Variants in BTBD9 observed in about 807,000 individuals in gnomAD.
BTBD9 encodes the protein BTB/POZ domain-containing protein 9.
A neutral mutation model predicts 64.3 loss-of-function variants in BTBD9; 49 were observed. The ratio of observed to expected loss-of-function variants is 0.76; its 90% confidence interval spans 0.61 to 0.97. The LOEUF (loss-of-function observed/expected upper bound fraction) is 0.97. Among genes scored for constraint, BTBD9 ranks in the 50% least tolerant of loss-of-function variants. The pLI is 0.00. For synonymous variants in BTBD9, 260 were observed against 274.7 expected (o/e 0.95, Z 0.53); for missense variants, 598 against 762.1 (o/e 0.78, Z 2.53).
chr6:38,360,761 AT>A, intron 6 of BTBD9, among the ~76,000 whole-genome samples: 1 of 152,314 alleles, frequency 6.6e-6, no homozygotes, highest in South Asian at 2.1e-4. Flanking sequence ...CTCAACTGGG[AT>A]GGAGAAGTAA....
At position 38,371,163 on chromosome 6, in the gene BTBD9, GC is replaced by G. The variant is rs1471512569; in HGVS notation, c.1155-26071del. 5.3e-5 allele frequency among the ~76,000 whole-genome samples: 8 copies of G among 152,182 alleles called. No individual in the cohort carries two copies. In the South Asian group the frequency reaches 8.3e-4, roughly 16 times the overall value. On this transcript the variant is annotated intron_variant, in intron 6 of 10. Coordinates refer to ENST00000481247, the MANE Select transcript of BTBD9 (RefSeq NM_001099272.2). ...GAGTCTGGGATGTGAGTACTTGGCA[GC>G]CCCCCATTGCTTTAATGGGTCTCAG...
intron 7 of BTBD9, among the ~76,000 whole-genome samples, chr6:38,303,852 TA>T (rs1762504166): frequency 8.8e-6 from 1 of 113,368 alleles, no homozygotes; most frequent in Non-Finnish European, 1.8e-5. Flanking sequence ...TATATATATA[TA>T]TATATATATA....
chr6:38,295,488 A>C (rs1302007176), intron 7 of BTBD9, among the ~76,000 whole-genome samples: 1 of 152,094 alleles, frequency 6.6e-6, no homozygotes. Flanking sequence ...CTTGTTTATA[A>C]GTTCTTTCCT....
intron 7 of BTBD9, among the ~76,000 whole-genome samples, chr6:38,308,704 G>A (rs73422820): frequency 0.029 from 4,481 of 152,170 alleles, 211 homozygotes; most frequent in African/African-American, 0.1. Context: ...CTCACAGGAT[G>A]AGGTGATCCT....
In BTBD9 at chr6:38,205,895, AG is replaced by A. The variant is rs201677275; in HGVS notation, c.1563-13299del. ...AGTCTGTCTCAAAAAAAAAAAAGAA[AG>A]AAAGAAAGAAAGGAAGTTATGGGAT... is the stretch of plus-strand genomic sequence containing the variant. On this transcript the variant is annotated intron_variant, in intron 9 of 10. Coordinates refer to ENST00000481247, the MANE Select transcript of BTBD9 (RefSeq NM_001099272.2). Among the ~76,000 whole-genome samples, 499 of 145,472 alleles carry A rather than the reference AG, an allele frequency of 3.4e-3. 73 individuals carry two copies. Among genetic ancestry groups the A allele is most frequent in the Non-Finnish European group, 4.6e-3 (302 of 66,220 alleles).
chr6:38,193,271 T>G (rs1034079802), intron 9 of BTBD9, among the ~76,000 whole-genome samples: 1 of 152,082 alleles, frequency 6.6e-6, no homozygotes, highest in Non-Finnish European at 1.5e-5. Flanking sequence ...AGGGCAGGCA[T>G]GCAGGAGGGC....
intron 6 of BTBD9, among the ~76,000 whole-genome samples, chr6:38,510,118 T>C (rs578219176): frequency 2.0e-4 from 30 of 152,358 alleles, no homozygotes; most frequent in African/African-American, 7.2e-4. Context: ...AGTTTTCACA[T>C]ACTGTCATGC....
intron 6 of BTBD9, among the ~76,000 whole-genome samples, chr6:38,357,298 G>C (rs1349784238): frequency 2.6e-5 from 4 of 152,276 alleles, no homozygotes; most frequent in African/African-American, 7.2e-5. Flanking sequence ...AGTAGCTTAG[G>C]ATTCAGTGTT....
At chr6:38,581,300 T>TA (rs1776275643) in intron 4 of BTBD9, among the ~76,000 whole-genome samples, 1 of 152,180 alleles carries the variant, frequency 6.6e-6, no homozygotes, top group Admixed American at 6.5e-5. Flanking sequence ...AGAAATCTGT[T>TA]AAAACAACAG....
chr6:38,190,988 T>C (rs1188175907), intron 10 of BTBD9, among the ~76,000 whole-genome samples: 5 of 152,246 alleles, frequency 3.3e-5, no homozygotes, highest in Non-Finnish European at 7.3e-5. Flanking sequence ...ATGCAGTGTA[T>C]AAAAAGCAAG....
Position 38,414,109 on chromosome 6 carries a change from C to T in BTBD9, c.1155-69016G>A, listed in dbSNP as rs558083866. Reference sequence around the variant, plus strand: ...AGAAGTTTAGGTGTTACATTTATTACCTTATCTTTATGTTTGTGGACTATC... The same window carrying T: ...AGAAGTTTAGGTGTTACATTTATTATCTTATCTTTATGTTTGTGGACTATC... On this transcript the variant is annotated intron_variant, in intron 6 of 10. Transcript: ENST00000481247. Among the ~76,000 whole-genome samples the T allele has an allele frequency of 4.6e-5, 7 of 152,270 alleles. No individual in the cohort carries two copies. In the East Asian group the frequency reaches 1.3e-3, roughly 29 times the overall value.
At chr6:38,491,040 T>C (rs1771679237) in intron 6 of BTBD9, among the ~76,000 whole-genome samples, 1 of 152,156 alleles carries the variant, frequency 6.6e-6, no homozygotes, top group African/African-American at 2.4e-5. Flanking sequence ...GGTACAAGTT[T>C]TGATGTAAAA....
At chr6:38,223,878 T>C (rs1204566915) in intron 9 of BTBD9, among the ~76,000 whole-genome samples, 1 of 152,170 alleles carries the variant, frequency 6.6e-6, no homozygotes, top group Non-Finnish European at 1.5e-5. Flanking sequence ...TAGGTTTACT[T>C]CTTTCTATAG....
intron 6 of BTBD9, among the ~76,000 whole-genome samples, chr6:38,453,549 A>C (rs115038767): frequency 1.6e-4 from 24 of 152,286 alleles, no homozygotes; most frequent in African/African-American, 5.5e-4. Flanking sequence ...GAGTGGTTTT[A>C]AGTATTTGGT....
intron 10 of BTBD9, among the ~76,000 whole-genome samples, chr6:38,176,415 G>A (rs896362638): frequency 7.2e-5 from 11 of 152,160 alleles, no homozygotes; most frequent in African/African-American, 2.7e-4. Flanking sequence ...TCTTCCTGGT[G>A]TGTCCACTCT....
chr6:38,369,660 G>A (rs1201831768), intron 6 of BTBD9, among the ~76,000 whole-genome samples: 1 of 152,234 alleles, frequency 6.6e-6, no homozygotes, highest in Non-Finnish European at 1.5e-5. Context: ...AGGTAAGGAG[G>A]GGAAGAGAGA....
chr6:38,328,602 T>TGTGTGTGTGTGTGC (rs1763536249), intron 7 of BTBD9, among the ~76,000 whole-genome samples: 1 of 149,010 alleles, frequency 6.7e-6, no homozygotes, highest in African/African-American at 2.5e-5. Context: ...TGTGTGTGTG[T>TGTGTGTGTGTGTGC]GTGTGTGTGT....
At chr6:38,193,771 C>T in intron 9 of BTBD9, 11 of 979,636 alleles carry the variant, frequency 1.1e-5, no homozygotes, top group Non-Finnish European at 1.1e-5. Flanking sequence ...TGTCTAATTA[C>T]CAAGTAATGT....
Position 38,295,482 on chromosome 6 carries a change from T to A in BTBD9, c.1265-7021A>T, listed in dbSNP as rs1241246476. Reference sequence around the variant, plus strand: ...CGCCTGGCAAACTTTTCCTTTCTTGTTTATAAGTTCTTTCCTACACCAAAT... The same window carrying A: ...CGCCTGGCAAACTTTTCCTTTCTTGATTATAAGTTCTTTCCTACACCAAAT... On this transcript the variant is annotated intron_variant, in intron 7 of 10. Transcript: ENST00000481247. Among the ~76,000 whole-genome samples the A allele has an allele frequency of 3.3e-5, 5 of 152,268 alleles. No individual in the cohort carries two copies. In the East Asian group the frequency reaches 9.6e-4, roughly 29 times the overall value.
Sources: allele counts gnomAD v4.1 joint callset (sites outside exome capture counted in the v4.1 genomes callset), GRCh38; gene constraint gnomAD v4.1.1; transcripts MANE v1.5; gene names NCBI Gene and HGNC (gene_info 2026-07-23, HGNC 2026-07-21).